The following SGCD variants were observed in gnomAD, a reference collection of about 807,000 sequenced individuals.
SGCD encodes sarcoglycan delta.
In SGCD, 18 loss-of-function variants were observed where a neutral mutation model predicts 36.6. The ratio of observed to expected loss-of-function variants is 0.49; its 90% CI spans 0.34 to 0.73. SGCD has a LOEUF of 0.73. Among genes scored for constraint, SGCD ranks in the 30% least tolerant of loss-of-function variants. The pLI, the probability that SGCD is intolerant of heterozygous loss-of-function variation, is 0.01. For missense variants in SGCD, 387 were observed against 346.7 expected (o/e 1.12, Z -0.92); for synonymous variants, 133 against 130.6 (o/e 1.02, Z -0.12).
chr5:156,732,796 AG>A (rs1251509061), intron 7 of SGCD, among the ~76,000 whole-genome samples: 1 of 152,094 alleles, frequency 6.6e-6, no homozygotes, highest in Non-Finnish European at 1.5e-5. Flanking sequence ...TCAGGGAGTC[AG>A]TGTCTTCCTG....
the SGCD span, among the ~76,000 whole-genome samples, chr5:155,784,756 A>G: frequency 1.3e-5 from 2 of 151,958 alleles, no homozygotes; most frequent in Non-Finnish European, 2.9e-5. Flanking sequence ...ATGCATAAAT[A>G]TCAGCTATAA....
chr5:156,728,805 G>A (rs1224496954), intron 7 of SGCD, among the ~76,000 whole-genome samples: 1 of 152,080 alleles, frequency 6.6e-6, no homozygotes, highest in East Asian at 1.9e-4. Flanking sequence ...AAAATCACCT[G>A]AGTTGCAAAA....
chr5:156,555,944 T>C (rs1167128135), intron 4 of SGCD, among the ~76,000 whole-genome samples: 2 of 152,122 alleles, frequency 1.3e-5, no homozygotes, highest in Non-Finnish European at 2.9e-5. Context: ...CTATCATCAG[T>C]GAAATTGTTT....
intron 4 of SGCD, among the ~76,000 whole-genome samples, chr5:156,520,650 C>T (rs2113033151): frequency 6.6e-6 from 1 of 152,258 alleles, no homozygotes; most frequent in East Asian, 1.9e-4. Context: ...TACAAGGCTA[C>T]ACTCACCAAA....
chr5:156,408,704 C>T (rs1772556677), intron 3 of SGCD, among the ~76,000 whole-genome samples: 1 of 152,174 alleles, frequency 6.6e-6, no homozygotes, highest in Admixed American at 6.5e-5. Context: ...CTTCTGCCAT[C>T]TTTCTCTTTG....
At chr5:155,908,715 G>A (rs888791802) in intron 1 of SGCD, among the ~76,000 whole-genome samples, 18 of 152,082 alleles carry the variant, frequency 1.2e-4, no homozygotes, top group African/African-American at 4.3e-4. Flanking sequence ...GTATTGACAA[G>A]TGCAGATAAA....
chr5:156,746,650 T>C (rs1430253472), intron 7 of SGCD, among the ~76,000 whole-genome samples: 1 of 152,208 alleles, frequency 6.6e-6, no homozygotes, highest in African/African-American at 2.4e-5. Context: ...TTTCAACTAA[T>C]GGAGCTGGAA....
At chr5:155,759,586 A>C in the SGCD span, among the ~76,000 whole-genome samples, 5 of 152,226 alleles carry the variant, frequency 3.3e-5, no homozygotes, top group African/African-American at 1.2e-4. Context: ...TGTGTACAAG[A>C]TAGCACATGG....
intron 3 of SGCD, among the ~76,000 whole-genome samples, chr5:156,300,124 AGAATTTTTATGATAAAGGGATGTT>A (rs1236885465): frequency 6.6e-6 from 1 of 152,092 alleles, no homozygotes; most frequent in Non-Finnish European, 1.5e-5. Context: ...CAGGTTTTTT[AGAATTTTTATGATAAAGGGATGTT>A]GAATTCTATC....
At chr5:155,808,671 G>T in the SGCD span, among the ~76,000 whole-genome samples, 1 of 152,206 alleles carries the variant, frequency 6.6e-6, no homozygotes, top group East Asian at 1.9e-4. Context: ...AAACTTTAGG[G>T]ATTATCTAGC....
At chr5:156,530,733 C>T (rs1757853179) in intron 4 of SGCD, among the ~76,000 whole-genome samples, 1 of 152,104 alleles carries the variant, frequency 6.6e-6, no homozygotes, top group African/African-American at 2.4e-5. Flanking sequence ...GCATGCACCA[C>T]CGTGCCCAGC....
intron 1 of SGCD, among the ~76,000 whole-genome samples, chr5:156,044,033 A>G (rs915460234): frequency 7.2e-5 from 11 of 152,130 alleles, no homozygotes; most frequent in African/African-American, 2.7e-4. Context: ...AGAGTGCTCA[A>G]TATTTGTATG....
intron 3 of SGCD, among the ~76,000 whole-genome samples, chr5:156,133,125 G>A (rs57818217): frequency 0.012 from 1,891 of 152,210 alleles, 37 homozygotes; most frequent in African/African-American, 0.044. Flanking sequence ...TATCAGATAA[G>A]CCTAGAGCTC....
the SGCD span, among the ~76,000 whole-genome samples, chr5:155,788,647 C>A: frequency 4.6e-5 from 7 of 152,228 alleles, no homozygotes; most frequent in Non-Finnish European, 7.4e-5. Context: ...TCTATTTTTT[C>A]ATTTAAATGT....
At chr5:156,313,023 C>T (rs1305868911) in intron 3 of SGCD, among the ~76,000 whole-genome samples, 1 of 151,276 alleles carries the variant, frequency 6.6e-6, no homozygotes, top group East Asian at 1.9e-4. Flanking sequence ...GATTTTCTTT[C>T]TTCTCTCATC....
chr5:156,757,986 G>T, intron 8 of SGCD: 1 of 1,224,760 alleles, frequency 8.2e-7, no homozygotes, highest in Non-Finnish European at 1.0e-6. Flanking sequence ...ATTCTCTCTT[G>T]TCACCTTAAA....
At chr5:156,617,700 A>G (rs1762070083) in intron 6 of SGCD, among the ~76,000 whole-genome samples, 1 of 152,182 alleles carries the variant, frequency 6.6e-6, no homozygotes, top group African/African-American at 2.4e-5. Flanking sequence ...GCAAATACTC[A>G]GCAAAGGTCG....
At chr5:156,052,848 G>C (rs1759957165) in intron 1 of SGCD, among the ~76,000 whole-genome samples, 1 of 146,524 alleles carries the variant, frequency 6.8e-6, no homozygotes, top group African/African-American at 2.5e-5. Flanking sequence ...ATATTTGCCA[G>C]ACAAAGTCCA....
chr5:156,074,352 C>G (rs1473035818), intron 1 of SGCD, among the ~76,000 whole-genome samples: 1 of 151,858 alleles, frequency 6.6e-6, no homozygotes, highest in African/African-American at 2.4e-5. Context: ...TGCCATAATC[C>G]CAACTGTTGA....
Sources: gnomAD v4.1 joint callset for allele counts (sites outside exome capture counted in the v4.1 genomes callset) on GRCh38, gnomAD v4.1.1 for gene constraint, MANE v1.5 for transcripts, NCBI Gene and HGNC (gene_info 2026-07-23, HGNC 2026-07-21) for gene names.